The following TRAPPC12 variants were observed in gnomAD, a reference collection of about 807,000 sequenced individuals.
TRAPPC12 encodes the protein trafficking protein particle complex subunit 12, also known as TPR repeat protein 15.
A neutral mutation model predicts 69.2 loss-of-function variants in TRAPPC12; 61 were observed. The ratio of observed to expected loss-of-function variants is 0.88; its 90% CI spans 0.72 to 1.09. The LOEUF is 1.09. TRAPPC12 is among the 50% of genes least tolerant of loss of function. TRAPPC12 has a pLI of 0.00. For synonymous variants in TRAPPC12, 469 were observed against 438.9 expected, an observed-to-expected ratio of 1.07 and a Z score of -0.86; for missense variants, 1,101 against 1,016.4, an observed-to-expected ratio of 1.08 and a Z score of -1.13.
Position 3,390,979 on chromosome 2 carries a change from CAG to C in TRAPPC12, c.1047+2311_1047+2312del, listed in dbSNP as rs549972375. 2.3e-3 allele frequency among the ~76,000 whole-genome samples: 354 copies of C among 152,042 alleles called. 4 individuals carry two copies. The highest frequency in any genetic ancestry group is 6.8e-3 in the Middle Eastern group (2 of 294). On this transcript the variant is annotated intron_variant, in intron 2 of 11. Transcript: ENST00000324266. ...AATCTATTTTTAAAAAGATATAAAA[CAG>C]AATATTTAATGAGGTTCATCTCATA... is the stretch of plus-strand genomic sequence containing the variant.
At chr2:3,432,479 C>T (rs1211265102) in intron 5 of TRAPPC12, among the ~76,000 whole-genome samples, 1 of 152,124 alleles carries the variant, frequency 6.6e-6, no homozygotes, top group Non-Finnish European at 1.5e-5. Flanking sequence ...CAACACATAA[C>T]CATATGTGAT....
rs1664341138 is a variant in TRAPPC12 at position 3,443,650 on chromosome 2, T to G, written c.1418-129T>G. On this transcript the variant is annotated intron_variant, in intron 5 of 11. Coordinates refer to ENST00000324266, the MANE Select transcript of TRAPPC12 (RefSeq NM_016030.6). ...TTTTATAGTTGACACCGTTAAATAC[T>G]TCACAAGAAATAAAGGGATCTGTCA... 26 of 732,376 alleles carry G rather than the reference T, an allele frequency of 3.6e-5. No individual in the cohort carries two copies. The South Asian group carries it at 3.6e-4, about 10-fold the overall frequency. 45.4% of individuals were successfully genotyped at this position (732,376 alleles called of 1,614,324 possible).
chr2:3,402,844 AG>A (rs1425576648), intron 3 of TRAPPC12, among the ~76,000 whole-genome samples: 1 of 152,128 alleles, frequency 6.6e-6, no homozygotes, highest in Non-Finnish European at 1.5e-5. Context: ...TTGTCTCCTT[AG>A]GGGGCTGTGG....
intron 9 of TRAPPC12, among the ~76,000 whole-genome samples, chr2:3,475,907 G>A (rs1247420697): frequency 2.0e-5 from 3 of 152,226 alleles, no homozygotes; most frequent in East Asian, 1.9e-4. Context: ...GCCGGCACAC[G>A]TTAATCTTGA....
In TRAPPC12 at chr2:3,387,866, C is replaced by T. The variant is rs1355249194; in HGVS notation, c.243C>T (p.Asp81=). ...LISDSPNSEG[D]AGDLGRVRDE... ...CTGACTCCCCCAACAGCGAGGGCGA[C>T]GCGGGCGACCTGGGCCGAGTGCGGG... The change falls in exon 2 of 12, where the codon GAC becomes GAT. Residue 81 remains aspartate (D), a synonymous_variant. Transcript: ENST00000324266. 10 of 1,593,732 alleles carry T rather than the reference C, an allele frequency of 6.3e-6. No individual in the cohort carries two copies. In the South Asian group the frequency reaches 9.0e-5, roughly 14 times the overall value.
rs1441334044 is a variant in TRAPPC12, at chr2:3,382,479, T to C, written c.-5+2603T>C. 3.9e-5 allele frequency among the ~76,000 whole-genome samples: 6 copies of C among 152,306 alleles called. No individual in the cohort carries two copies. In the South Asian group the frequency reaches 1.0e-3, roughly 26 times the overall value. ...AGAAGAAAGGTATTTTGATGTGTTA[T>C]TTATGAAATTCAGCATCATAGCTTA... On this transcript the variant is annotated intron_variant, in intron 1 of 11. Transcript: ENST00000324266.
intron 11 of TRAPPC12, 136 bp downstream of exon 11, chr2:3,479,069 TA>T (rs1666428099): frequency 6.7e-7 from 1 of 1,486,690 alleles, no homozygotes; most frequent in East Asian, 2.3e-5. Flanking sequence ...CTGTGGCCCT[TA>T]GGGGAAGTGA....
Position 3,399,168 on chromosome 2 carries a change from C to T in TRAPPC12, c.1048-2609C>T, listed in dbSNP as rs558082999. Among the ~76,000 whole-genome samples the T allele has an allele frequency of 8.6e-4, 131 of 152,344 alleles. 1 individual carries two copies. The highest frequency in any genetic ancestry group is 3.1e-3 in the African/African-American group (130 of 41,586). On this transcript the variant is annotated intron_variant, in intron 2 of 11. Coordinates refer to ENST00000324266, the MANE Select transcript of TRAPPC12 (RefSeq NM_016030.6). Reference sequence around the variant, plus strand: ...GTATCTCAGGAACTTGCTGTGGTAGCTAAAATATTAACTAACAGAGAATTT... The same window carrying T: ...GTATCTCAGGAACTTGCTGTGGTAGTTAAAATATTAACTAACAGAGAATTT...
intron 1 of TRAPPC12, among the ~76,000 whole-genome samples, chr2:3,387,081 C>T (rs1239350945): frequency 1.3e-5 from 2 of 152,144 alleles, no homozygotes; most frequent in East Asian, 1.9e-4. Context: ...TGTACAGCCA[C>T]GTTCATTGCA....
At chr2:3,404,227 G>A (rs1389943757) in intron 3 of TRAPPC12, among the ~76,000 whole-genome samples, 3 of 152,098 alleles carry the variant, frequency 2.0e-5, no homozygotes, top group African/African-American at 4.8e-5. Context: ...CAGGGACATC[G>A]TGCCCTGGGT....
chr2:3,380,695 G>A (rs1481223985), intron 1 of TRAPPC12, among the ~76,000 whole-genome samples: 1 of 152,188 alleles, frequency 6.6e-6, no homozygotes, highest in Non-Finnish European at 1.5e-5. Context: ...ATATTACACA[G>A]TGTTACTCAT....
chr2:3,402,263 T>C (rs572997808), intron 3 of TRAPPC12, among the ~76,000 whole-genome samples: 245 of 152,340 alleles, frequency 1.6e-3, no homozygotes, highest in African/African-American at 5.7e-3. Flanking sequence ...TTTCTGAACA[T>C]TTTTAAGCTT....
intron 8 of TRAPPC12, chr2:3,462,786 A>G: frequency 2.4e-6 from 1 of 415,992 alleles, no homozygotes; most frequent in Non-Finnish European, 5.0e-6. Context: ...GGTGCCTGCC[A>G]CCTTAGGTGG....
chr2:3,420,594 A>G (rs549051598), intron 3 of TRAPPC12, among the ~76,000 whole-genome samples: 1 of 152,320 alleles, frequency 6.6e-6, no homozygotes, highest in African/African-American at 2.4e-5. Flanking sequence ...GGAAGACACA[A>G]GCCCCACTCT....
intron 3 of TRAPPC12, among the ~76,000 whole-genome samples, chr2:3,418,997 C>T (rs1263117484): frequency 6.6e-6 from 1 of 152,214 alleles, no homozygotes; most frequent in Non-Finnish European, 1.5e-5. Context: ...GCCCGCTGGT[C>T]CTTACTGCAT....
At chr2:3,432,393 C>T (rs1452946856) in intron 5 of TRAPPC12, among the ~76,000 whole-genome samples, 1 of 152,222 alleles carries the variant, frequency 6.6e-6, no homozygotes, top group Non-Finnish European at 1.5e-5. Flanking sequence ...GATCTTTCTT[C>T]CTTTTTCATC....
chr2:3,404,216 G>A (rs911135381), intron 3 of TRAPPC12, among the ~76,000 whole-genome samples: 2 of 152,070 alleles, frequency 1.3e-5, no homozygotes, highest in African/African-American at 2.4e-5. Context: ...GTGAGGTCGC[G>A]CAGGGACATC....
At chr2:3,477,532 CT>C (rs1666344149) in intron 9 of TRAPPC12, among the ~76,000 whole-genome samples, 162 bp from the exon 10 acceptor site, 1 of 152,146 alleles carries the variant, frequency 6.6e-6, no homozygotes, top group Admixed American at 6.5e-5. Context: ...TCTTAAATGT[CT>C]TTTGCCTTTT....
At chr2:3,457,846 G>A (rs574152828) in intron 7 of TRAPPC12, 153 bp downstream of exon 7, 1 of 1,450,934 alleles carries the variant, frequency 6.9e-7, no homozygotes, top group South Asian at 1.5e-5. Flanking sequence ...CTTTCTTGGG[G>A]AAGCCAAGCA....
Sources: gnomAD v4.1 joint callset for allele counts (sites outside exome capture counted in the v4.1 genomes callset) on GRCh38, gnomAD v4.1.1 for gene constraint, MANE v1.5 for transcripts, NCBI Gene and HGNC (gene_info 2026-07-23, HGNC 2026-07-21) for gene names.